KIF26B: variants seen among roughly 807,000 people sequenced by gnomAD.
The protein encoded by KIF26B is kinesin-like protein KIF26B.
In KIF26B, 63 loss-of-function variants were observed where a neutral mutation model predicts 151.2. The observed-to-expected ratio is 0.42, with a 90% CI of 0.34 to 0.51. The LOEUF is 0.51. Ranked by LOEUF, KIF26B falls within the 20% of genes least tolerant of loss-of-function variation. The pLI is 0.07. For synonymous variants in KIF26B, 1,357 were observed against 1,262.1 expected (o/e 1.08, Z -1.59); for missense variants, 2,813 against 2,913.6 (o/e 0.97, Z 0.79).
At chr1:245,393,991 G>A (rs1205310922) in intron 3 of KIF26B, among the ~76,000 whole-genome samples, 1 of 152,154 alleles carries the variant, frequency 6.6e-6, no homozygotes, top group Admixed American at 6.5e-5. Flanking sequence ...AGTCCCCTTG[G>A]ACTTAGCTCC....
chr1:245,699,270 C>T (rs549477649), intron 14 of KIF26B, among the ~76,000 whole-genome samples: 6 of 152,282 alleles, frequency 3.9e-5, no homozygotes, highest in South Asian at 2.1e-4. Context: ...ATTATTTCTA[C>T]GTGTCTCAGT....
chr1:245,295,705 A>G (rs914550295), intron 2 of KIF26B, among the ~76,000 whole-genome samples: 2 of 152,206 alleles, frequency 1.3e-5, no homozygotes, highest in African/African-American at 2.4e-5. Context: ...TTAAGTCCTT[A>G]CTGGAAATAT....
rs1203042226 is a variant in KIF26B, at chr1:245,670,276, ATATATG to A, written c.2259-13956_2259-13951del. On this transcript the variant is annotated intron_variant, in intron 10 of 14. Transcript: ENST00000407071. ...TATATATATATATATATATATATAT[ATATATG>A]CACACACACACACAATGTATATGTC... Among the ~76,000 whole-genome samples, 6 of 136,576 alleles carry A rather than the reference ATATATG, an allele frequency of 4.4e-5. No individual in the cohort carries two copies. In the South Asian group the frequency reaches 1.2e-3, roughly 27 times the overall value. The allele number at this position is 136,576 out of a possible 152,430, so 89.6% of individuals were successfully genotyped here. A position where few individuals can be genotyped will look rare whatever the true frequency, so the allele number is the denominator to read the frequency against.
intron 2 of KIF26B, among the ~76,000 whole-genome samples, chr1:245,231,004 G>A (rs554985468): frequency 1.3e-5 from 2 of 151,876 alleles, no homozygotes; most frequent in African/African-American, 4.8e-5. Flanking sequence ...AATCATCTCA[G>A]GCATGAAGAC....
intron 4 of KIF26B, among the ~76,000 whole-genome samples, chr1:245,460,348 T>C (rs751713379): frequency 2.2e-4 from 34 of 152,216 alleles, no homozygotes; most frequent in Middle Eastern, 3.2e-3. Flanking sequence ...CATTTTTCTC[T>C]TAAATCAGAG....
chr1:245,357,319 G>A (rs1558401275), intron 2 of KIF26B, among the ~76,000 whole-genome samples: 2 of 152,138 alleles, frequency 1.3e-5, no homozygotes, highest in South Asian at 4.1e-4. Flanking sequence ...ATTATGGCAC[G>A]GTTTCTGCCC....
In KIF26B at chr1:245,607,684, A is replaced by G; in HGVS notation, c.1591A>G (p.Ile531Val). 6.2e-7 allele frequency: 1 copy of G among 1,612,952 alleles called. No individual in the cohort carries two copies. The highest frequency in any genetic ancestry group is 8.5e-7 in the Non-Finnish European group (1 of 1,179,562). ...GTGTGCAGGCACCGTGGCAGAGGTG[A>G]TCCAGTCTGTGGTCAACGGGGCAGA... ...EVCAGTVAEVIQSVVNGADGC... is the reference protein window; with the variant it reads ...EVCAGTVAEVVQSVVNGADGC... The change falls in exon 7 of 15, where the codon ATC (isoleucine) becomes GTC (valine). Residue 531 changes from isoleucine (I) to valine (V), a missense_variant. Coordinates refer to ENST00000407071, the MANE Select transcript of KIF26B (RefSeq NM_018012.4).
At chr1:245,230,476 C>T (rs1267658860) in intron 2 of KIF26B, among the ~76,000 whole-genome samples, 3 of 152,230 alleles carry the variant, frequency 2.0e-5, no homozygotes, top group Admixed American at 6.5e-5. Context: ...GGCGTGGTGG[C>T]TCACGCCTGT....
chr1:245,332,515 G>A (rs962874592), intron 2 of KIF26B, among the ~76,000 whole-genome samples: 2 of 152,172 alleles, frequency 1.3e-5, no homozygotes, highest in Non-Finnish European at 2.9e-5. Context: ...TCTTTAGTGA[G>A]CAAGCTTTTG....
intron 2 of KIF26B, among the ~76,000 whole-genome samples, chr1:245,365,510 A>C (rs1672924597): frequency 7.7e-5 from 11 of 142,730 alleles, no homozygotes; most frequent in South Asian, 2.2e-4. Flanking sequence ...ACTGCCTCAC[A>C]ACTCCCCCCC....
intron 4 of KIF26B, among the ~76,000 whole-genome samples, chr1:245,441,604 C>T (rs904925271): frequency 6.6e-6 from 1 of 151,948 alleles, no homozygotes; most frequent in Non-Finnish European, 1.5e-5. Flanking sequence ...TAACGAGCAA[C>T]GCAGACCCCG....
chr1:245,182,827 G>C (rs1338512072), intron 2 of KIF26B, among the ~76,000 whole-genome samples: 1 of 152,154 alleles, frequency 6.6e-6, no homozygotes, highest in African/African-American at 2.4e-5. Flanking sequence ...AGTAGAGACA[G>C]GGTTTCACCG....
rs538274078 is a variant in KIF26B, at chr1:245,563,050, C to T, written c.1350+22100C>T. 6.6e-5 allele frequency among the ~76,000 whole-genome samples: 10 copies of T among 152,310 alleles called. No homozygotes were observed. The East Asian group carries it at 1.2e-3, about 18-fold the overall frequency. ...TAATCTTTGCATCCTGCCACCTCCC[C>T]AGCACAGCCAGCATAGGAGCCGGCA... is the stretch of plus-strand genomic sequence containing the variant. On this transcript the variant is annotated intron_variant, in intron 5 of 14. Transcript: ENST00000407071. The surrounding 1 kb of genome is among the most constrained non-coding windows in gnomAD (Gnocchi z 4.6).
rs2044841041 is a variant in KIF26B at position 245,706,366 on chromosome 1, C to T, written c.*3760C>T. ...CCAGCCACCTTCTTTGGATAGAAGG[C>T]AAGGCTGACAAATCTGCAGATTTGT... On this transcript the variant is annotated 3_prime_UTR_variant, in exon 15 of 15. Transcript: ENST00000407071. 1 of 152,166 alleles carries T rather than the reference C, an allele frequency of 6.6e-6. No individual in the cohort carries two copies. The highest frequency in any genetic ancestry group is 2.4e-5 in the African/African-American group (1 of 41,438). 9.4% of individuals were successfully genotyped at this position (152,166 alleles called of 1,614,324 possible).
Position 245,464,527 on chromosome 1 carries a change from C to G in KIF26B, c.1166+44782C>G, listed in dbSNP as rs1198970434. Among the ~76,000 whole-genome samples the G allele has an allele frequency of 4.0e-5, 5 of 125,200 alleles. No homozygotes were observed. The East Asian group carries it at 9.4e-4, about 24-fold the overall frequency. The allele number at this position is 125,200 out of a possible 152,430, so 82.1% of individuals were successfully genotyped here. On this transcript the variant is annotated intron_variant, in intron 4 of 14. Coordinates refer to ENST00000407071, the MANE Select transcript of KIF26B (RefSeq NM_018012.4). The stretch of plus-strand genomic sequence containing the variant: ...CGTGTGCATGTGTGGATGTGTGGCA[C>G]CATGTGTGTGGGTGTGCGTGGGTGT...
intron 10 of KIF26B, among the ~76,000 whole-genome samples, chr1:245,669,350 A>G (rs78448540): frequency 0.014 from 2,075 of 152,322 alleles, 58 homozygotes; most frequent in African/African-American, 0.047. Context: ...CCTACAAATG[A>G]AAAGGCAATC....
chr1:245,175,674 C>T (rs112844193), intron 2 of KIF26B, among the ~76,000 whole-genome samples: 9,879 of 152,084 alleles, frequency 0.065, 354 homozygotes, highest in Non-Finnish European at 0.07. Flanking sequence ...ACTAAGTCCA[C>T]ACATGATTAA....
At chr1:245,391,372 T>C (rs1368872045) in intron 3 of KIF26B, among the ~76,000 whole-genome samples, 2 of 152,242 alleles carry the variant, frequency 1.3e-5, no homozygotes, top group Non-Finnish European at 2.9e-5. Context: ...TGAATACTCC[T>C]ATTCAAATAC....
At chr1:245,160,853 A>C (rs994235129) in intron 2 of KIF26B, among the ~76,000 whole-genome samples, 3 of 152,184 alleles carry the variant, frequency 2.0e-5, no homozygotes, top group Non-Finnish European at 2.9e-5. Context: ...GCCGGAGACC[A>C]AGTAAGTCTA....
Sources: allele counts gnomAD v4.1 joint callset (sites outside exome capture counted in the v4.1 genomes callset), GRCh38; gene constraint gnomAD v4.1.1; non-coding constraint Gnocchi (gnomAD v3.1); transcripts MANE v1.5; gene names NCBI Gene and HGNC (gene_info 2026-07-23, HGNC 2026-07-21).